DNAAF4: variants seen among roughly 807,000 people sequenced by gnomAD.
DNAAF4 encodes the protein dynein axonemal assembly factor 4, also known as dynein assembly factor 4, axonemal.
In DNAAF4, 43 loss-of-function variants were observed where a neutral mutation model predicts 51.8. The ratio of observed to expected loss-of-function variants is 0.83; its 90% CI spans 0.65 to 1.07. The LOEUF is 1.07. Ranked by LOEUF, DNAAF4 falls within the 50% of genes least tolerant of loss-of-function variation. The probability of loss-of-function intolerance (pLI) is 0.00; values close to 1 mark genes in which losing one functional copy is unlikely to be tolerated. For missense variants in DNAAF4, 581 were observed against 493.0 expected (o/e 1.18, Z -1.69); for synonymous variants, 194 against 165.6 (o/e 1.17, Z -1.32).
rs1567000861 is a variant in DNAAF4, at chr15:55,434,036, T to TA, written c.1047+868_1047+869insT. ...TATATATTCTTATATATAATATATA[T>TA]TATATATATATATAAAACAAATAAT... On this transcript the variant is annotated intron_variant, in intron 8 of 9. Coordinates refer to ENST00000321149, the MANE Select transcript of DNAAF4 (RefSeq NM_130810.4). 8.0e-5 allele frequency among the ~76,000 whole-genome samples: 8 copies of TA among 100,272 alleles called. 1 individual carries two copies. The East Asian group carries it at 1.5e-3, about 19-fold the overall frequency. 65.8% of individuals were successfully genotyped at this position (100,272 alleles called of 152,430 possible).
chr15:55,439,762 G>A (rs537225264), intron 6 of DNAAF4, among the ~76,000 whole-genome samples, 181 bp from the exon 7 acceptor site: 1 of 152,176 alleles, frequency 6.6e-6, no homozygotes, highest in African/African-American at 2.4e-5. Flanking sequence ...AATGTGAATC[G>A]GTATTTGGTA....
intron 4 of DNAAF4, among the ~76,000 whole-genome samples, chr15:55,477,323 CAA>C (rs1567025397): frequency 6.6e-6 from 1 of 151,964 alleles, no homozygotes; most frequent in Non-Finnish European, 1.5e-5. Context: ...TTTAAAAAGA[CAA>C]TATATATATT....
Position 55,498,206 on chromosome 15 carries a change from C to T in DNAAF4, c.123+1G>A, listed in dbSNP as rs1226372150. ...CCGGCAGGCAAGACTTGCATTCTTA[C>T]CTTCAGATAGTTTTCCGTGCAGAAC... On this transcript the variant is annotated splice_donor_variant, in intron 2 of 9. Coordinates refer to ENST00000321149, the MANE Select transcript of DNAAF4 (RefSeq NM_130810.4). LOFTEE classifies it high-confidence loss of function. 1 of 1,614,008 alleles carries T rather than the reference C, an allele frequency of 6.2e-7. No individual in the cohort carries two copies. Among genetic ancestry groups the T allele is most frequent in the Non-Finnish European group, 8.5e-7 (1 of 1,179,958 alleles).
chr15:55,449,197 C>T (rs1363256680), intron 6 of DNAAF4, among the ~76,000 whole-genome samples: 2 of 149,230 alleles, frequency 1.3e-5, no homozygotes, highest in African/African-American at 4.9e-5. Context: ...ACCATGTTGG[C>T]CAGGCTGGTC....
rs1294310739 is a variant in DNAAF4, at chr15:55,488,647, G to T, written c.405+2476C>A. ...CTCCCAACTCTCAACACTACTGAGG[G>T]AAGAGAGAAAACAGACAATTTGTGG... On this transcript the variant is annotated intron_variant, in intron 4 of 9. Transcript: ENST00000321149. 2.0e-5 allele frequency among the ~76,000 whole-genome samples: 3 copies of T among 152,150 alleles called. No homozygotes were observed. The East Asian group carries it at 5.8e-4, about 29-fold the overall frequency.
At chr15:55,433,904 T>TA (rs1567000410) in intron 8 of DNAAF4, among the ~76,000 whole-genome samples, 6 of 16,324 alleles carry the variant, frequency 3.7e-4, no homozygotes, top group African/African-American at 2.8e-3. Context: ...ATTATATATA[T>TA]TATATATAAT....
At chr15:55,418,764 AAGGT>A in intron 7 of DNAAF4, 1 of 476,288 alleles carries the variant, frequency 2.1e-6, no homozygotes, top group Non-Finnish European at 3.6e-6. Context: ...AGCAAAATAA[AAGGT>A]AGAAAGTGTT....
At chr15:55,444,888 A>G (rs1372612842) in intron 6 of DNAAF4, among the ~76,000 whole-genome samples, 1 of 152,110 alleles carries the variant, frequency 6.6e-6, no homozygotes, top group Non-Finnish European at 1.5e-5. Flanking sequence ...ATTTCTGCAC[A>G]TTGATTTTGT....
In DNAAF4 at chr15:55,491,106, G is replaced by T. The variant is rs769744140; in HGVS notation, c.405+17C>A. On this transcript the variant is annotated intron_variant, in intron 4 of 9. Transcript: ENST00000321149. Reference sequence around the variant, plus strand: ...TATTATCTCTTTAGAGGACTTGCCTGTCATTCTGCAACTTACCTTCATCAT... The same window carrying T: ...TATTATCTCTTTAGAGGACTTGCCTTTCATTCTGCAACTTACCTTCATCAT... The T allele has an allele frequency of 3.1e-6, 5 of 1,613,822 alleles. No homozygotes were observed. The South Asian group carries it at 4.4e-5, about 14-fold the overall frequency.
intron 8 of DNAAF4, among the ~76,000 whole-genome samples, chr15:55,433,916 A>T (rs1209888499): frequency 4.6e-4 from 2 of 4,340 alleles, no homozygotes; most frequent in Non-Finnish European, 7.5e-4. Flanking sequence ...ATATATAATT[A>T]TATATATTAT....
chr15:55,482,859 G>T (rs8025318), intron 4 of DNAAF4, among the ~76,000 whole-genome samples: 211 of 152,102 alleles, frequency 1.4e-3, no homozygotes, highest in African/African-American at 4.9e-3. Context: ...TCCATAAAAA[G>T]GAATGAAAAA....
chr15:55,432,661 A>G, intron 8 of DNAAF4, 59 bp from the exon 9 acceptor site: 1 of 1,478,214 alleles, frequency 6.8e-7, no homozygotes. Context: ...TAAACAAGCA[A>G]AAGGCTGGGC....
intron 4 of DNAAF4, among the ~76,000 whole-genome samples, chr15:55,488,859 C>A (rs541103474): frequency 6.6e-6 from 1 of 152,240 alleles, no homozygotes; most frequent in Admixed American, 6.5e-5. Context: ...GAAGCCAAGA[C>A]GGGCAGATCA....
At chr15:55,495,654 G>A (rs1320968239) in intron 3 of DNAAF4, among the ~76,000 whole-genome samples, 2 of 152,132 alleles carry the variant, frequency 1.3e-5, no homozygotes, top group Non-Finnish European at 2.9e-5. Flanking sequence ...AGAATTGCTG[G>A]AACCTAGGAG....
chr15:55,440,867 G>C (rs2057699776), intron 6 of DNAAF4, among the ~76,000 whole-genome samples: 2 of 150,572 alleles, frequency 1.3e-5, no homozygotes, highest in Admixed American at 1.3e-4. Flanking sequence ...ATTTTTAGTA[G>C]AGATGGGGTT....
At chr15:55,491,811 A>C (rs2058579159) in intron 3 of DNAAF4, among the ~76,000 whole-genome samples, 1 of 143,296 alleles carries the variant, frequency 7.0e-6, no homozygotes, top group Non-Finnish European at 1.5e-5. Flanking sequence ...ATAATATTTT[A>C]TATAATATAT....
At position 55,501,553 on chromosome 15, in the gene DNAAF4, T is replaced by C. The variant is rs1391677532; in HGVS notation, c.-255-2969A>G. 2.7e-5 allele frequency among the ~76,000 whole-genome samples: 4 copies of C among 149,490 alleles called. No individual in the cohort carries two copies. In the East Asian group the frequency reaches 8.2e-4, roughly 30 times the overall value. Reference sequence around the variant, plus strand: ...ACCGCATCCGGCTGATTTTTTGCATTTTTAGTAGAGACGGGGTTTCACCGT... The same window carrying C: ...ACCGCATCCGGCTGATTTTTTGCATCTTTAGTAGAGACGGGGTTTCACCGT... On this transcript the variant is annotated intron_variant, in intron 1 of 9. Coordinates refer to ENST00000321149, the MANE Select transcript of DNAAF4 (RefSeq NM_130810.4).
intron 1 of DNAAF4, among the ~76,000 whole-genome samples, chr15:55,503,305 T>C (rs1049365746): frequency 1.3e-5 from 2 of 152,030 alleles, no homozygotes; most frequent in African/African-American, 4.8e-5. Context: ...CCAAAAAAAG[T>C]CCAGGACCAG....
intron 6 of DNAAF4, chr15:55,443,306 G>C: frequency 7.5e-7 from 1 of 1,328,354 alleles, no homozygotes; most frequent in Non-Finnish European, 1.1e-6. Context: ...ACCGGTGGCG[G>C]CTGGCAAAGG....
Sources: gnomAD v4.1 joint callset for allele counts (sites outside exome capture counted in the v4.1 genomes callset) on GRCh38, gnomAD v4.1.1 for gene constraint, MANE v1.5 for transcripts, NCBI Gene and HGNC (gene_info 2026-07-23, HGNC 2026-07-21) for gene names.